The following EP400 variants were observed in gnomAD, a reference collection of about 807,000 sequenced individuals.
EP400 encodes E1A-binding protein p400.
A neutral mutation model predicts 354.1 loss-of-function variants in EP400; 105 were observed. The observed-to-expected ratio is 0.30, with a 90% confidence interval of 0.25 to 0.35. The LOEUF is 0.35. Ranked by LOEUF, EP400 falls within the 10% of genes least tolerant of loss-of-function variation. The pLI, the probability that EP400 is intolerant of heterozygous loss-of-function variation, is 1.00. For synonymous variants in EP400, 1,646 were observed against 1,716.9 expected, an observed-to-expected ratio of 0.96 and a Z score of 1.02; for missense variants, 3,280 against 4,121.0, an observed-to-expected ratio of 0.80 and a Z score of 5.59.
intron 32 of EP400, among the ~76,000 whole-genome samples, chr12:132,039,460 C>T (rs909459847): frequency 6.6e-6 from 1 of 152,016 alleles, no homozygotes. Flanking sequence ...CCTCACAGGA[C>T]GAACAGGGTG....
chr12:131,985,274 G>A (rs1387166560), intron 5 of EP400, among the ~76,000 whole-genome samples: 1 of 152,244 alleles, frequency 6.6e-6, no homozygotes, highest in Non-Finnish European at 1.5e-5. Context: ...CCAGCTTTGC[G>A]AGCTGTTCAG....
chr12:131,969,172 A>C (rs1334323531), intron 2 of EP400, among the ~76,000 whole-genome samples: 1 of 152,150 alleles, frequency 6.6e-6, no homozygotes, highest in African/African-American at 2.4e-5. Flanking sequence ...TTCTTTATCA[A>C]GGTAATAAAA....
intron 29 of EP400, 68 bp from the exon 30 acceptor site, chr12:132,031,885 T>A (rs1894518630): frequency 5.4e-6 from 8 of 1,487,244 alleles, no homozygotes; most frequent in African/African-American, 1.4e-5. Flanking sequence ...TTAATAAATG[T>A]TGAAACGTGT....
intron 15 of EP400, among the ~76,000 whole-genome samples, chr12:132,011,190 G>A (rs1010005778): frequency 5.3e-5 from 8 of 152,144 alleles, no homozygotes; most frequent in African/African-American, 1.9e-4. Context: ...GATCTTGGAG[G>A]GGTTTTCTGT....
At position 131,960,810 on chromosome 12, in the gene EP400, G is replaced by A. The variant is rs1426175120; in HGVS notation, c.191G>A (p.Arg64Lys). The A allele has an allele frequency of 6.2e-7, 1 of 1,612,530 alleles. No homozygotes were observed. Among genetic ancestry groups the A allele is most frequent in the Non-Finnish European group, 8.5e-7 (1 of 1,179,894 alleles). The change falls in exon 2 of 53, where the codon AGG (arginine) becomes AAG (lysine). Residue 64 changes from arginine to lysine, a missense_variant. Arg to Lys is a conservative substitution (Grantham distance 26). Coordinates refer to ENST00000389561, the MANE Select transcript of EP400 (RefSeq NM_015409.5). ...PSYQIQQLMN[R>K]SPATGQNVNI... ...TATCAAATACAGCAGCTGATGAATAGGAGCCCTGCAACCGGGCAGAACGTG... is the reference window on the plus strand; with the variant it reads ...TATCAAATACAGCAGCTGATGAATAAGAGCCCTGCAACCGGGCAGAACGTG...
intron 15 of EP400, among the ~76,000 whole-genome samples, chr12:132,010,490 C>T (rs887646329): frequency 6.6e-6 from 1 of 152,140 alleles, no homozygotes; most frequent in Non-Finnish European, 1.5e-5. Flanking sequence ...TTTCCAGGAT[C>T]AGCAGGAATG....
chr12:131,999,705 C>G (rs973929424), intron 12 of EP400, among the ~76,000 whole-genome samples: 1 of 152,102 alleles, frequency 6.6e-6, no homozygotes, highest in South Asian at 2.1e-4. Flanking sequence ...TCCCAAAGTG[C>G]TGGGGTTACA....
Position 131,957,579 on chromosome 12 carries a change from C to CTTTATTTA in EP400, c.-35-2986_-35-2979dup, listed in dbSNP as rs145207337. On this transcript the variant is annotated intron_variant, in intron 1 of 52. Coordinates refer to ENST00000389561, the MANE Select transcript of EP400 (RefSeq NM_015409.5). ...CTTGGAAAGTTAGCTTATAAAAATG[C>CTTTATTTA]TTTATTTATTTATTTATTTATTTAT... is the stretch of plus-strand genomic sequence containing the variant. Among the ~76,000 whole-genome samples the CTTTATTTA allele has an allele frequency of 9.0e-4, 127 of 140,504 alleles. 1 individual carries two copies. Among genetic ancestry groups the CTTTATTTA allele is most frequent in the African/African-American group, 3.2e-3 (123 of 37,878 alleles). 92.2% of individuals were successfully genotyped at this position (140,504 alleles called of 152,430 possible).
chr12:131,969,069 A>G (rs1453578629), intron 2 of EP400, among the ~76,000 whole-genome samples: 3 of 150,748 alleles, frequency 2.0e-5, no homozygotes, highest in African/African-American at 7.4e-5. Flanking sequence ...TCGTATTGGC[A>G]AGGGCACCCA....
chr12:132,074,674 G>A (rs528225819), intron 51 of EP400, among the ~76,000 whole-genome samples: 2 of 152,208 alleles, frequency 1.3e-5, no homozygotes, highest in African/African-American at 2.4e-5. Flanking sequence ...TCTTTGTCTC[G>A]TCGTACTATA....
rs980301669 is a variant in EP400, at chr12:132,027,619, C to G, written c.5109+88C>G. On this transcript the variant is annotated intron_variant, in intron 26 of 52. Transcript: ENST00000389561. The surrounding 1 kb of genome is among the most constrained non-coding windows in gnomAD (Gnocchi z 4.9). ...TGTGTTTGGTTGTGATATTTAAAGG[C>G]TCCTGTGAATTCTCAAGTGATGTTA... The G allele has an allele frequency of 6.4e-6, 7 of 1,086,320 alleles. No individual in the cohort carries two copies. In the African/African-American group the frequency reaches 1.1e-4, roughly 17 times the overall value. The allele number at this position is 1,086,320 out of a possible 1,614,324, so 67.3% of individuals were successfully genotyped here. A position where few individuals can be genotyped will look rare whatever the true frequency, so the allele number is the denominator to read the frequency against.
At chr12:131,983,664 G>A (rs1361103037) in intron 5 of EP400, among the ~76,000 whole-genome samples, 2 of 152,134 alleles carry the variant, frequency 1.3e-5, no homozygotes, top group Non-Finnish European at 2.9e-5. Context: ...TTCCTAGGTG[G>A]GCTTTAAGTT....
intron 51 of EP400, chr12:132,076,311 T>C (rs889235798): frequency 7.6e-6 from 5 of 654,002 alleles, no homozygotes; most frequent in African/African-American, 3.6e-5. Flanking sequence ...TGATGGCAAA[T>C]TGGGGAGGCA....
chr12:131,986,912 C>G, intron 6 of EP400, 105 bp downstream of exon 6: 1 of 1,349,100 alleles, frequency 7.4e-7, no homozygotes, highest in South Asian at 1.4e-5. Context: ...CTGGTCAATT[C>G]AGCATGGCTT....
At chr12:131,976,045 AT>A (rs987637092) in intron 2 of EP400, among the ~76,000 whole-genome samples, 3 of 151,382 alleles carry the variant, frequency 2.0e-5, no homozygotes, top group Admixed American at 6.6e-5. Flanking sequence ...TATCCAATGA[AT>A]TTTTTTTTAT....
intron 45 of EP400, among the ~76,000 whole-genome samples, chr12:132,059,422 T>A (rs139006631): frequency 4.6e-5 from 7 of 151,940 alleles, no homozygotes; most frequent in African/African-American, 1.7e-4. Flanking sequence ...CAAGTCGATA[T>A]TACCTTAAAA....
At chr12:131,979,451 C>A (rs889912236) in intron 2 of EP400, among the ~76,000 whole-genome samples, 1 of 152,096 alleles carries the variant, frequency 6.6e-6, no homozygotes, top group Non-Finnish European at 1.5e-5. Flanking sequence ...ATTTGAAATT[C>A]CATTAAAACC....
intron 45 of EP400, among the ~76,000 whole-genome samples, chr12:132,061,153 A>G (rs1895682127): frequency 6.6e-6 from 1 of 152,170 alleles, no homozygotes; most frequent in Non-Finnish European, 1.5e-5. Context: ...AGGGGCTGAA[A>G]TGTGCACAGA....
intron 12 of EP400, among the ~76,000 whole-genome samples, chr12:132,000,980 A>T (rs1263204818): frequency 6.6e-6 from 1 of 152,102 alleles, no homozygotes; most frequent in African/African-American, 2.4e-5. Context: ...GCTGTCGTTT[A>T]TGAATCCTGG....
Sources: gnomAD v4.1 joint callset for allele counts (sites outside exome capture counted in the v4.1 genomes callset) on GRCh38, gnomAD v4.1.1 for gene constraint, Gnocchi (gnomAD v3.1) non-coding constraint, MANE v1.5 for transcripts, NCBI Gene and HGNC (gene_info 2026-07-23, HGNC 2026-07-21) for gene names.